The following NEGR1 variants were observed in gnomAD, a reference collection of about 807,000 sequenced individuals.
NEGR1 encodes neuronal growth regulator 1.
A neutral mutation model predicts 40.9 loss-of-function variants in NEGR1; 10 were observed. The ratio of observed to expected loss-of-function variants is 0.24; its 90% CI spans 0.15 to 0.42. NEGR1 has a LOEUF of 0.42. Among genes scored for constraint, NEGR1 ranks in the 10% least tolerant of loss-of-function variants. The probability of loss-of-function intolerance (pLI) is 1.00; values close to 1 mark genes in which losing one functional copy is unlikely to be tolerated. For synonymous variants in NEGR1, 185 were observed against 166.8 expected (o/e 1.11, Z -0.84); for missense variants, 352 against 438.9 (o/e 0.80, Z 1.77).
At chr1:72,162,918 C>T (rs1007386946) in intron 1 of NEGR1, among the ~76,000 whole-genome samples, 1 of 151,982 alleles carries the variant, frequency 6.6e-6, no homozygotes, top group African/African-American at 2.4e-5. Flanking sequence ...ACAGAAATTT[C>T]TTGTTGCTTG....
At chr1:71,923,913 T>C (rs1164753997) in intron 2 of NEGR1, among the ~76,000 whole-genome samples, 2 of 152,108 alleles carry the variant, frequency 1.3e-5, no homozygotes, top group African/African-American at 4.8e-5. Context: ...CTTTCTTTTT[T>C]TTTTTCTTTT....
At chr1:71,495,777 A>G (rs957574361) in intron 6 of NEGR1, among the ~76,000 whole-genome samples, 5 of 152,190 alleles carry the variant, frequency 3.3e-5, no homozygotes, top group African/African-American at 1.2e-4. Context: ...AGTATAAGAA[A>G]GAGAGGATGG....
chr1:71,812,780 A>T (rs1277606097), intron 2 of NEGR1, among the ~76,000 whole-genome samples: 1 of 151,970 alleles, frequency 6.6e-6, no homozygotes, highest in Non-Finnish European at 1.5e-5. Context: ...AAATTTGTTT[A>T]AAGTCCTTGT....
At chr1:71,527,617 C>T (rs1203262263) in intron 6 of NEGR1, among the ~76,000 whole-genome samples, 1 of 151,536 alleles carries the variant, frequency 6.6e-6, no homozygotes, top group Non-Finnish European at 1.5e-5. Flanking sequence ...TACACTATCA[C>T]AATCTATGAG....
At chr1:71,788,651 A>T (rs754362624) in intron 2 of NEGR1, among the ~76,000 whole-genome samples, 16 of 152,048 alleles carry the variant, frequency 1.1e-4, no homozygotes, top group Middle Eastern at 3.4e-3. Context: ...ATCTACAGTT[A>T]GATACGTACT....
At chr1:72,218,893 G>A (rs1051605350) in intron 1 of NEGR1, among the ~76,000 whole-genome samples, 1 of 151,984 alleles carries the variant, frequency 6.6e-6, no homozygotes, top group African/African-American at 2.4e-5. Context: ...AAAAGAAAAG[G>A]TTGCTGTTTG....
chr1:72,070,171 T>C (rs920391515), intron 1 of NEGR1, among the ~76,000 whole-genome samples: 6 of 152,076 alleles, frequency 3.9e-5, no homozygotes, highest in Non-Finnish European at 8.8e-5. Flanking sequence ...AACTGAAAGC[T>C]GATCCTCAGA....
intron 2 of NEGR1, among the ~76,000 whole-genome samples, chr1:71,877,514 A>C (rs1435825191): frequency 1.3e-5 from 2 of 152,048 alleles, no homozygotes; most frequent in East Asian, 3.9e-4. Flanking sequence ...TCCTCTAATA[A>C]GAACACCAGT....
chr1:72,141,967 A>T (rs1289649471), intron 1 of NEGR1, among the ~76,000 whole-genome samples: 1 of 92,160 alleles, frequency 1.1e-5, no homozygotes, highest in East Asian at 2.7e-4. Context: ...GCATGATAAT[A>T]AAAAAGTCAG....
intron 1 of NEGR1, among the ~76,000 whole-genome samples, chr1:72,078,700 C>G (rs1037794817): frequency 6.7e-6 from 1 of 148,940 alleles, no homozygotes; most frequent in Non-Finnish European, 1.5e-5. Context: ...AGTGCAATGG[C>G]GTGATTTCGG....
intron 1 of NEGR1, among the ~76,000 whole-genome samples, chr1:72,069,481 T>C (rs1458867755): frequency 6.6e-6 from 1 of 152,070 alleles, no homozygotes; most frequent in African/African-American, 2.4e-5. Flanking sequence ...ATTATAAGTA[T>C]GAATTTTGAT....
chr1:72,120,741 A>G (rs891086930), intron 1 of NEGR1, among the ~76,000 whole-genome samples: 12 of 151,800 alleles, frequency 7.9e-5, no homozygotes, highest in African/African-American at 2.9e-4. Flanking sequence ...ATTCCCACCT[A>G]TGAGTGAGAT....
chr1:71,768,603 TTTAAC>T (rs1488430151), intron 3 of NEGR1, among the ~76,000 whole-genome samples: 1 of 152,222 alleles, frequency 6.6e-6, no homozygotes, highest in African/African-American at 2.4e-5. Flanking sequence ...ACTTTGGACT[TTTAAC>T]TTAATGCTGC....
chr1:72,060,007 C>T (rs1055425233), intron 1 of NEGR1, among the ~76,000 whole-genome samples: 5 of 151,644 alleles, frequency 3.3e-5, no homozygotes, highest in Non-Finnish European at 7.4e-5. Flanking sequence ...TAGATGGAAA[C>T]TCAGGTTTTA....
chr1:71,819,812 A>G (rs1325360605), intron 2 of NEGR1, among the ~76,000 whole-genome samples: 4 of 152,026 alleles, frequency 2.6e-5, no homozygotes, highest in Non-Finnish European at 5.9e-5. Flanking sequence ...CAGGGTCAGG[A>G]AAATGCTAGA....
At chr1:71,638,641 T>C (rs1398237139) in intron 4 of NEGR1, among the ~76,000 whole-genome samples, 1 of 152,078 alleles carries the variant, frequency 6.6e-6, no homozygotes, top group Non-Finnish European at 1.5e-5. Flanking sequence ...AGTACTATTA[T>C]GATTTCCATT....
intron 2 of NEGR1, among the ~76,000 whole-genome samples, chr1:71,851,839 C>T (rs1659613190): frequency 6.6e-6 from 1 of 152,058 alleles, no homozygotes; most frequent in South Asian, 2.1e-4. Flanking sequence ...GATTTATACT[C>T]TAAGTTTACT....
intron 4 of NEGR1, among the ~76,000 whole-genome samples, chr1:71,625,827 G>T (rs1318803493): frequency 1.3e-5 from 2 of 151,780 alleles, no homozygotes; most frequent in Non-Finnish European, 2.9e-5. Context: ...TCACATTTTT[G>T]ATGTTTCACT....
At chr1:71,808,724 ATTC>A (rs1356918218) in intron 2 of NEGR1, among the ~76,000 whole-genome samples, 1 of 152,108 alleles carries the variant, frequency 6.6e-6, no homozygotes, top group African/African-American at 2.4e-5. Context: ...CTTGTTACAT[ATTC>A]TTATTTCAGA....
Sources: allele counts gnomAD v4.1 joint callset (sites outside exome capture counted in the v4.1 genomes callset), GRCh38; gene constraint gnomAD v4.1.1; transcripts MANE v1.5; gene names NCBI Gene and HGNC (gene_info 2026-07-23, HGNC 2026-07-21).